The following GRK3 variants were observed in gnomAD, a reference collection of about 807,000 sequenced individuals.
GRK3 encodes the protein adrenergic, beta, receptor kinase 2.
GRK3 carries 54 observed loss-of-function variants against 95.7 expected under a neutral mutation model. The ratio of observed to expected loss-of-function variants is 0.56; its 90% CI spans 0.45 to 0.71. The LOEUF is 0.71. GRK3 is among the 30% of genes least tolerant of loss of function. GRK3 has a pLI of 0.00. For synonymous variants in GRK3, 281 were observed against 290.8 expected (o/e 0.97, Z 0.34); for missense variants, 649 against 851.2 (o/e 0.76, Z 2.96).
chr22:25,638,564 T>G (rs1375085405), intron 2 of GRK3, among the ~76,000 whole-genome samples: 1 of 152,196 alleles, frequency 6.6e-6, no homozygotes, highest in African/African-American at 2.4e-5. Context: ...TCCTAAAAGG[T>G]CTGGGCCATT....
In GRK3 at chr22:25,728,102, T is replaced by C. The variant is rs1343677585; in HGVS notation, c.*5652T>C. ...TTATTTCTGCTCCTTTTTATTTGTA[T>C]AGTTTGTTATTTAAAGAAATGGCAG... On this transcript the variant is annotated 3_prime_UTR_variant, in exon 21 of 21. Coordinates refer to ENST00000324198, the MANE Select transcript of GRK3 (RefSeq NM_005160.4). The C allele has an allele frequency of 6.6e-6, 1 of 152,226 alleles. No individual in the cohort carries two copies. Among genetic ancestry groups the C allele is most frequent in the Non-Finnish European group, 1.5e-5 (1 of 68,040 alleles). 9.4% of individuals were successfully genotyped at this position (152,226 alleles called of 1,614,324 possible).
chr22:25,579,335 T>C (rs1278293479), intron 1 of GRK3, among the ~76,000 whole-genome samples: 2 of 150,926 alleles, frequency 1.3e-5, no homozygotes, highest in Non-Finnish European at 3.0e-5. Flanking sequence ...TTGGTAGATA[T>C]GGGGTTTCGC....
intron 1 of GRK3, among the ~76,000 whole-genome samples, chr22:25,589,742 C>T (rs534804882): frequency 2.0e-5 from 3 of 152,142 alleles, no homozygotes; most frequent in Non-Finnish European, 4.4e-5. Context: ...TCTCACACTG[C>T]TAATAAAGAC....
intron 10 of GRK3, among the ~76,000 whole-genome samples, chr22:25,687,147 T>G (rs1033081157): frequency 4.0e-5 from 6 of 150,440 alleles, no homozygotes; most frequent in Non-Finnish European, 7.4e-5. Flanking sequence ...TGTTTTTTTG[T>G]TTTTTTTTGT....
chr22:25,683,050 C>T (rs979692215), intron 9 of GRK3, among the ~76,000 whole-genome samples: 6 of 152,242 alleles, frequency 3.9e-5, no homozygotes, highest in African/African-American at 1.4e-4. Flanking sequence ...CAGGCCAAGT[C>T]TAGCTTGTTG....
chr22:25,605,827 A>G (rs2084441580), intron 2 of GRK3, among the ~76,000 whole-genome samples: 2 of 152,204 alleles, frequency 1.3e-5, no homozygotes, highest in East Asian at 1.9e-4. Context: ...GGAATCACAC[A>G]CTGTGTGTCC....
intron 2 of GRK3, among the ~76,000 whole-genome samples, chr22:25,633,177 A>G (rs1206776362): frequency 1.3e-5 from 2 of 152,076 alleles, no homozygotes; most frequent in African/African-American, 2.4e-5. Context: ...TCGGCCTCCC[A>G]AAGTGCTAGG....
chr22:25,659,676 G>A (rs891601861), intron 3 of GRK3, among the ~76,000 whole-genome samples: 4 of 152,142 alleles, frequency 2.6e-5, no homozygotes, highest in Non-Finnish European at 4.4e-5. Context: ...ATTGGTAGTC[G>A]ACTGCATGGT....
chr22:25,657,167 CAGA>C (rs2084877975), intron 3 of GRK3, among the ~76,000 whole-genome samples: 1 of 152,128 alleles, frequency 6.6e-6, no homozygotes, highest in Non-Finnish European at 1.5e-5. Flanking sequence ...AAAATTAAAA[CAGA>C]GGAGTATTAG....
rs544967580 is a variant in GRK3, at chr22:25,642,423, A to G, written c.191-2169A>G. 1.2e-4 allele frequency among the ~76,000 whole-genome samples: 19 copies of G among 152,250 alleles called. No homozygotes were observed. The East Asian group carries it at 2.5e-3, about 20-fold the overall frequency. On this transcript the variant is annotated intron_variant, in intron 2 of 20. Transcript: ENST00000324198. ...ACTCCAGCCTGGGCGACAGAGCAAGACTCCATCTCAAAAATAAATAAATAA... is the reference window on the plus strand; with the variant it reads ...ACTCCAGCCTGGGCGACAGAGCAAGGCTCCATCTCAAAAATAAATAAATAA...
intron 1 of GRK3, among the ~76,000 whole-genome samples, chr22:25,568,393 A>G (rs1931568667): frequency 1.3e-5 from 2 of 152,266 alleles, no homozygotes; most frequent in South Asian, 2.1e-4. Flanking sequence ...TGTGAACTTC[A>G]TCTTTCCCCT....
chr22:25,681,665 A>T (rs766808098), intron 9 of GRK3, among the ~76,000 whole-genome samples: 51 of 152,282 alleles, frequency 3.3e-4, no homozygotes, highest in Non-Finnish European at 6.3e-4. Context: ...GTTCACAAAG[A>T]TTGCTCCGGC....
At chr22:25,567,139 A>G (rs75435893) in intron 1 of GRK3, among the ~76,000 whole-genome samples, 2,172 of 152,232 alleles carry the variant, frequency 0.014, 51 homozygotes, top group African/African-American at 0.048. Flanking sequence ...ATTTCTCATG[A>G]CATTTGAAAA....
At chr22:25,715,891 C>G (rs2085380059) in intron 18 of GRK3, among the ~76,000 whole-genome samples, 1 of 152,176 alleles carries the variant, frequency 6.6e-6, no homozygotes, top group Admixed American at 6.5e-5. Context: ...ATGACTTACT[C>G]TTTATATAAA....
At position 25,663,615 on chromosome 22, in the gene GRK3, T is replaced by G; in HGVS notation, c.367-15T>G. The G allele has an allele frequency of 1.7e-5, 26 of 1,572,222 alleles. No homozygotes were observed. Among genetic ancestry groups the G allele is most frequent in the Non-Finnish European group, 2.3e-5 (26 of 1,152,204 alleles). On this transcript the variant is annotated splice_polypyrimidine_tract_variant and intron_variant, in intron 4 of 20. Coordinates refer to ENST00000324198, the MANE Select transcript of GRK3 (RefSeq NM_005160.4). ...ACATTTTATTATTTAAAAATATTATTTTTGACTTTGATAGCCTTTCTCAAA... is the reference window on the plus strand; with the variant it reads ...ACATTTTATTATTTAAAAATATTATGTTTGACTTTGATAGCCTTTCTCAAA...
chr22:25,616,792 A>C (rs1034423923), intron 2 of GRK3, among the ~76,000 whole-genome samples: 2 of 152,178 alleles, frequency 1.3e-5, no homozygotes, highest in African/African-American at 2.4e-5. Flanking sequence ...CTCAGGTCTA[A>C]AGATAAAGGA....
At chr22:25,652,684 G>T (rs1032011562) in intron 3 of GRK3, among the ~76,000 whole-genome samples, 1 of 152,132 alleles carries the variant, frequency 6.6e-6, no homozygotes, top group Admixed American at 6.5e-5. Context: ...TAAAAGAATA[G>T]TGTATATAGT....
chr22:25,614,049 A>G (rs2084519116), intron 2 of GRK3, among the ~76,000 whole-genome samples: 2 of 152,150 alleles, frequency 1.3e-5, no homozygotes, highest in African/African-American at 4.8e-5. Flanking sequence ...GAAAAGCACA[A>G]TCCTTTAATA....
chr22:25,669,471 T>G (rs1452173801), intron 6 of GRK3, among the ~76,000 whole-genome samples: 3 of 152,188 alleles, frequency 2.0e-5, no homozygotes, highest in African/African-American at 7.2e-5. Context: ...CTTCTCCTAC[T>G]CCACCCTTAC....
Sources: gnomAD v4.1 joint callset for allele counts (sites outside exome capture counted in the v4.1 genomes callset) on GRCh38, gnomAD v4.1.1 for gene constraint, MANE v1.5 for transcripts, NCBI Gene and HGNC (gene_info 2026-07-23, HGNC 2026-07-21) for gene names.